SLC9A9: variants seen among roughly 807,000 people sequenced by gnomAD.
The protein encoded by SLC9A9 is solute carrier family 9 member A9.
Under a neutral mutation model 77.8 loss-of-function variants are expected in SLC9A9, and 62 were observed. That is an observed-to-expected ratio of 0.80 (90% CI 0.65 to 0.98). The LOEUF (loss-of-function observed/expected upper bound fraction) is 0.98. Among genes scored for constraint, SLC9A9 ranks in the 50% least tolerant of loss-of-function variants. SLC9A9 has a pLI of 0.00. For synonymous variants in SLC9A9, 320 were observed against 283.5 expected, an observed-to-expected ratio of 1.13 and a Z score of -1.29; for missense variants, 775 against 774.9, an observed-to-expected ratio of 1.00 and a Z score of 0.00.
intron 6 of SLC9A9, among the ~76,000 whole-genome samples, chr3:143,596,857 T>C (rs2037761130): frequency 1.3e-5 from 2 of 152,126 alleles, no homozygotes; most frequent in African/African-American, 4.8e-5. Context: ...GATTGAGGTC[T>C]CACTTTGTTG....
At chr3:143,704,653 C>T (rs191200709) in intron 4 of SLC9A9, among the ~76,000 whole-genome samples, 3 of 151,828 alleles carry the variant, frequency 2.0e-5, no homozygotes, top group Admixed American at 6.6e-5. Context: ...CTCACAATAG[C>T]CAAGATTTGG....
At chr3:143,786,655 C>CTA (rs1159492816) in intron 4 of SLC9A9, among the ~76,000 whole-genome samples, 2 of 152,196 alleles carry the variant, frequency 1.3e-5, no homozygotes, top group Non-Finnish European at 2.9e-5. Flanking sequence ...AACCACACTG[C>CTA]TATGCAGCTT....
At chr3:143,489,404 T>C (rs2035703742) in intron 11 of SLC9A9, among the ~76,000 whole-genome samples, 1 of 151,846 alleles carries the variant, frequency 6.6e-6, no homozygotes, top group Admixed American at 6.6e-5. Context: ...AATACAGATA[T>C]TTAAGAGGCC....
chr3:143,380,794 C>A (rs2033284844), intron 13 of SLC9A9, among the ~76,000 whole-genome samples: 1 of 152,212 alleles, frequency 6.6e-6, no homozygotes, highest in Non-Finnish European at 1.5e-5. Flanking sequence ...TTCCACAGAG[C>A]ACAGGCTCCT....
rs547350597 is a variant in SLC9A9 at position 143,331,293 on chromosome 3, T to C, written c.1604+32191A>G. On this transcript the variant is annotated intron_variant, in intron 14 of 15. Coordinates refer to ENST00000316549, the MANE Select transcript of SLC9A9 (RefSeq NM_173653.4). ...CTTGCCCACATGGGTAAGGAGAACA[T>C]GTGCAATATTAATGCATAAAGAAAC... Among the ~76,000 whole-genome samples, 8 of 152,280 alleles carry C rather than the reference T, an allele frequency of 5.3e-5. No homozygotes were observed. The South Asian group carries it at 1.2e-3, about 24-fold the overall frequency.
At chr3:143,572,474 T>G (rs998609089) in intron 8 of SLC9A9, among the ~76,000 whole-genome samples, 1 of 152,136 alleles carries the variant, frequency 6.6e-6, no homozygotes, top group African/African-American at 2.4e-5. Context: ...GAATACAGAA[T>G]GTGGAAGAAA....
At chr3:143,688,253 G>C (rs1465028185) in intron 5 of SLC9A9, among the ~76,000 whole-genome samples, 1 of 151,588 alleles carries the variant, frequency 6.6e-6, no homozygotes, top group Non-Finnish European at 1.5e-5. Context: ...GCCCAGTCTG[G>C]ATTTTTTTTT....
At chr3:143,530,875 C>A (rs2036500097) in intron 9 of SLC9A9, among the ~76,000 whole-genome samples, 1 of 152,162 alleles carries the variant, frequency 6.6e-6, no homozygotes, top group African/African-American at 2.4e-5. Flanking sequence ...TTGCCTCTGT[C>A]AACTTACCTC....
chr3:143,673,626 T>C (rs1321919869), intron 5 of SLC9A9, among the ~76,000 whole-genome samples: 1 of 151,862 alleles, frequency 6.6e-6, no homozygotes, highest in Non-Finnish European at 1.5e-5. Flanking sequence ...TTAATTATAT[T>C]GTTAATTAAT....
At chr3:143,518,160 G>C in intron 9 of SLC9A9, 8 of 1,600,152 alleles carry the variant, frequency 5.0e-6, no homozygotes, top group Non-Finnish European at 6.8e-6. Flanking sequence ...TCCTCGGTGT[G>C]CAGAACGCTC....
chr3:143,781,842 T>C (rs2007891989), intron 4 of SLC9A9, among the ~76,000 whole-genome samples: 1 of 152,198 alleles, frequency 6.6e-6, no homozygotes, highest in Admixed American at 6.5e-5. Context: ...CTACCTCTCA[T>C]GGAGTAGGAA....
At chr3:143,334,137 G>A (rs2031857754) in intron 14 of SLC9A9, among the ~76,000 whole-genome samples, 1 of 152,128 alleles carries the variant, frequency 6.6e-6, no homozygotes, top group South Asian at 2.1e-4. Flanking sequence ...TTAATAATTT[G>A]AAAATCCAAA....
At chr3:143,269,128 G>T in intron 14 of SLC9A9, 148 bp from the exon 15 acceptor site, 1 of 673,142 alleles carries the variant, frequency 1.5e-6, no homozygotes, top group East Asian at 3.0e-5. Flanking sequence ...TGCAAAAATT[G>T]CTGTTTATAA....
At chr3:143,497,926 AGAG>A (rs1183871368) in intron 9 of SLC9A9, among the ~76,000 whole-genome samples, 3 of 152,206 alleles carry the variant, frequency 2.0e-5, no homozygotes, top group African/African-American at 7.2e-5. Flanking sequence ...TCTTAATGAA[AGAG>A]GAGAAGTATA....
intron 11 of SLC9A9, among the ~76,000 whole-genome samples, chr3:143,473,858 G>T (rs2035419154): frequency 6.6e-6 from 1 of 152,152 alleles, no homozygotes; most frequent in Non-Finnish European, 1.5e-5. Context: ...ATATGGGATG[G>T]TGATATTCAT....
At chr3:143,360,588 C>A (rs528581192) in intron 14 of SLC9A9, among the ~76,000 whole-genome samples, 1 of 152,126 alleles carries the variant, frequency 6.6e-6, no homozygotes, top group Non-Finnish European at 1.5e-5. Flanking sequence ...TATTCATCCT[C>A]ATTGAATGTT....
chr3:143,446,059 C>T (rs556045478), intron 12 of SLC9A9, among the ~76,000 whole-genome samples: 1 of 151,934 alleles, frequency 6.6e-6, no homozygotes, highest in South Asian at 2.1e-4. Context: ...GAGAATGGGG[C>T]TGTAGCTGGA....
chr3:143,401,959 C>T (rs1287478548), intron 12 of SLC9A9, among the ~76,000 whole-genome samples: 1 of 152,160 alleles, frequency 6.6e-6, no homozygotes, highest in East Asian at 1.9e-4. Flanking sequence ...TAGTGAGGTA[C>T]ATCTCACCAT....
At chr3:143,425,165 T>TGGATTTA (rs1299187845) in intron 12 of SLC9A9, among the ~76,000 whole-genome samples, 1 of 152,128 alleles carries the variant, frequency 6.6e-6, no homozygotes, top group East Asian at 1.9e-4. Context: ...GAGGGTTATA[T>TGGATTTA]ATATCGATTT....
Sources: allele counts gnomAD v4.1 joint callset (sites outside exome capture counted in the v4.1 genomes callset), GRCh38; gene constraint gnomAD v4.1.1; transcripts MANE v1.5; gene names NCBI Gene and HGNC (gene_info 2026-07-23, HGNC 2026-07-21).